The following PLCG2 variants were observed in gnomAD, a reference collection of about 807,000 sequenced individuals.
The protein encoded by PLCG2 is phospholipase C gamma 2, also known as 1-phosphatidylinositol 4,5-bisphosphate phosphodiesterase gamma-2.
PLCG2 carries 69 observed loss-of-function variants against 175.6 expected under a neutral mutation model. The observed-to-expected ratio is 0.39, with a 90% CI of 0.32 to 0.48. The LOEUF (loss-of-function observed/expected upper bound fraction) is 0.48. Among genes scored for constraint, PLCG2 ranks in the 20% least tolerant of loss-of-function variants. The pLI is 0.91. For synonymous variants in PLCG2, 827 were observed against 624.0 expected (o/e 1.33, Z -4.85); for missense variants, 1,798 against 1,650.9 (o/e 1.09, Z -1.54).
At chr16:81,948,652 G>A (rs1911246817) in intron 31 of PLCG2, among the ~76,000 whole-genome samples, 1 of 152,190 alleles carries the variant, frequency 6.6e-6, no homozygotes, top group South Asian at 2.1e-4. Context: ...AGCTGGTCCT[G>A]GTTTTTGAGG....
In PLCG2 at chr16:81,808,844, G is replaced by A. The variant is rs116642266; in HGVS notation, c.193+22662G>A. ...CATAGCCTCTGTGGGCCTGGCCTCTGTTTCCCCCTATGCAAAATGGGGCTT... is the reference window on the plus strand; with the variant it reads ...CATAGCCTCTGTGGGCCTGGCCTCTATTTCCCCCTATGCAAAATGGGGCTT... On this transcript the variant is annotated intron_variant, in intron 2 of 32. Coordinates refer to ENST00000564138, the MANE Select transcript of PLCG2 (RefSeq NM_002661.5). Among the ~76,000 whole-genome samples, 1,085 of 152,264 alleles carry A rather than the reference G, an allele frequency of 7.1e-3. 10 individuals are homozygous for A. Among genetic ancestry groups the A allele is most frequent in the African/African-American group, 0.025 (1,055 of 41,538 alleles).
Position 81,927,849 on chromosome 16 carries a change from C to G in PLCG2, c.2514+671C>G, listed in dbSNP as rs549130490. Among the ~76,000 whole-genome samples, 17 of 152,304 alleles carry G rather than the reference C, an allele frequency of 1.1e-4. No individual in the cohort carries two copies. The East Asian group carries it at 3.3e-3, about 29-fold the overall frequency. ...GAGAGGTGCAAGTGGGAGGTACAGTCTAAGCAAAGGTGTGGCAGTGGGAAT... is the reference window on the plus strand; with the variant it reads ...GAGAGGTGCAAGTGGGAGGTACAGTGTAAGCAAAGGTGTGGCAGTGGGAAT... On this transcript the variant is annotated intron_variant, in intron 23 of 32. Coordinates refer to ENST00000564138, the MANE Select transcript of PLCG2 (RefSeq NM_002661.5).
intron 2 of PLCG2, among the ~76,000 whole-genome samples, chr16:81,817,950 AG>A (rs1336320684): frequency 6.6e-6 from 1 of 152,234 alleles, no homozygotes; most frequent in African/African-American, 2.4e-5. Context: ...TTGAGAGCAA[AG>A]ACCCAAAGGA....
At chr16:81,767,765 T>A (rs1161304275) in intron 2 of PLCG2, 1 of 152,206 alleles carries the variant, frequency 6.6e-6, no homozygotes, top group Non-Finnish European at 1.5e-5. Context: ...TATCCAACAC[T>A]TCTTCCCACT....
At chr16:81,860,631 A>T (rs935565381) in intron 5 of PLCG2, among the ~76,000 whole-genome samples, 1 of 152,058 alleles carries the variant, frequency 6.6e-6, no homozygotes, top group Non-Finnish European at 1.5e-5. Context: ...TTTTTAATTC[A>T]TTATGTTTTT....
At chr16:81,942,092 T>C (rs1910965606) in intron 30 of PLCG2, among the ~76,000 whole-genome samples, 1 of 152,160 alleles carries the variant, frequency 6.6e-6, no homozygotes, top group Admixed American at 6.5e-5. Context: ...CAGATTTCTT[T>C]TTATGGTAAC....
At chr16:81,928,692 C>A in intron 24 of PLCG2, 68 bp downstream of exon 24, 1 of 1,035,720 alleles carries the variant, frequency 9.7e-7, no homozygotes, top group South Asian at 1.3e-5. Context: ...TCAGCCCCGC[C>A]CTACACAGGG....
intron 2 of PLCG2, among the ~76,000 whole-genome samples, chr16:81,814,035 G>T (rs1218927561): frequency 6.6e-6 from 1 of 152,172 alleles, no homozygotes; most frequent in Non-Finnish European, 1.5e-5. Flanking sequence ...TGGGTGTGTT[G>T]AGTGATCTAG....
upstream of PLCG2, among the ~76,000 whole-genome samples, chr16:81,777,844 C>T (rs559354443): frequency 4.0e-5 from 6 of 151,464 alleles, no homozygotes; most frequent in East Asian, 3.9e-4. Context: ...AGTGAAACCG[C>T]GTCTCTAGTA....
intron 2 of PLCG2, among the ~76,000 whole-genome samples, chr16:81,810,165 A>G (rs568789641): frequency 2.0e-5 from 3 of 151,920 alleles, no homozygotes; most frequent in East Asian, 3.9e-4. Flanking sequence ...CTAATTTTGT[A>G]TTTTTAGTAG....
At chr16:81,773,381 C>T (rs1910325098) in intron 2 of PLCG2, among the ~76,000 whole-genome samples, 1 of 152,160 alleles carries the variant, frequency 6.6e-6, no homozygotes, top group South Asian at 2.1e-4. Flanking sequence ...GTGGAGACTC[C>T]AGACATGAGA....
At chr16:81,761,833 T>TC (rs1910047728) in intron 2 of PLCG2, among the ~76,000 whole-genome samples, 1 of 146,288 alleles carries the variant, frequency 6.8e-6, no homozygotes, top group East Asian at 1.9e-4. Flanking sequence ...CTGCACATTT[T>TC]TTTTTTTTTT....
chr16:81,845,580 T>C (rs1906071960), intron 2 of PLCG2, among the ~76,000 whole-genome samples: 1 of 152,238 alleles, frequency 6.6e-6, no homozygotes, highest in Admixed American at 6.5e-5. Context: ...ATGACTTGGA[T>C]AGCTCCTGGG....
intron 2 of PLCG2, among the ~76,000 whole-genome samples, chr16:81,789,846 C>CG (rs1251573958): frequency 6.6e-6 from 1 of 150,868 alleles, no homozygotes; most frequent in East Asian, 2.0e-4. Context: ...CCACCTTTGC[C>CG]CCCCCTCCAT....
chr16:81,858,606 A>G (rs1906806791), intron 4 of PLCG2, among the ~76,000 whole-genome samples: 1 of 152,148 alleles, frequency 6.6e-6, no homozygotes, highest in African/African-American at 2.4e-5. Context: ...CTCGAGATAG[A>G]AACATTCCTG....
chr16:81,859,356 C>T lies in PLCG2; in HGVS notation c.479+193C>T, dbSNP rs73592975. The T allele has an allele frequency of 1.7e-3, 886 of 535,602 alleles. 8 individuals are homozygous for T. Among genetic ancestry groups the T allele is most frequent in the African/African-American group, 0.016 (825 of 51,974 alleles). 33.2% of individuals were successfully genotyped at this position (535,602 alleles called of 1,614,324 possible). On this transcript the variant is annotated intron_variant, in intron 5 of 32. Coordinates refer to ENST00000564138, the MANE Select transcript of PLCG2 (RefSeq NM_002661.5). ...CTCCTCCTGGAGGGAGCCTCTATTC[C>T]GCAGAAAATTCAAGTACAGCCTCAG... is the stretch of plus-strand genomic sequence containing the variant.
intron 2 of PLCG2, among the ~76,000 whole-genome samples, chr16:81,849,800 A>G (rs1465951998): frequency 6.6e-6 from 1 of 150,550 alleles, no homozygotes; most frequent in Non-Finnish European, 1.5e-5. Context: ...AAAAAAAACC[A>G]AAAAAATTCC....
intron 6 of PLCG2, among the ~76,000 whole-genome samples, chr16:81,870,459 T>C (rs1907458049): frequency 6.6e-6 from 1 of 151,902 alleles, no homozygotes; most frequent in South Asian, 2.1e-4. Context: ...CCAAAGAGAG[T>C]GTTTTCTGCC....
intron 25 of PLCG2, among the ~76,000 whole-genome samples, 157 bp from the exon 26 acceptor site, chr16:81,934,272 G>C (rs986370234): frequency 2.0e-5 from 3 of 152,078 alleles, no homozygotes; most frequent in African/African-American, 4.8e-5. Context: ...AGAAACGAGA[G>C]GGGCAGGGTT....
Sources: gnomAD v4.1 joint callset for allele counts (sites outside exome capture counted in the v4.1 genomes callset) on GRCh38, gnomAD v4.1.1 for gene constraint, MANE v1.5 for transcripts, NCBI Gene and HGNC (gene_info 2026-07-23, HGNC 2026-07-21) for gene names.